Variants in MBD5 observed in about 807,000 individuals in gnomAD.
MBD5 encodes methyl-CpG binding domain protein 5.
MBD5 carries 13 observed loss-of-function variants against 117.3 expected under a neutral mutation model. That is an observed-to-expected ratio of 0.11 (90% CI 0.07 to 0.18). The LOEUF (loss-of-function observed/expected upper bound fraction) is 0.18, where lower values mean the gene tolerates loss of function less well. Ranked by LOEUF, MBD5 falls within the 10% of genes least tolerant of loss-of-function variation. The pLI is 1.00. For missense variants in MBD5, 1,879 were observed against 2,093.8 expected, an observed-to-expected ratio of 0.90 and a Z score of 2.00; for synonymous variants, 727 against 766.4, an observed-to-expected ratio of 0.95 and a Z score of 0.85.
chr2:148,291,723 A>G lies in MBD5; in HGVS notation c.-679-50491A>G, dbSNP rs140179064. Among the ~76,000 whole-genome samples the G allele has an allele frequency of 6.5e-4, 99 of 152,338 alleles. No homozygotes were observed. The East Asian group carries it at 0.018, about 28-fold the overall frequency. ...ACAGAAATAGAAAAAACAATCCTAA[A>G]ATGTATATGGAATCACAAAAAATCC... On this transcript the variant is annotated intron_variant, in intron 3 of 13. Coordinates refer to ENST00000642680, the MANE Select transcript of MBD5 (RefSeq NM_001378120.1).
At chr2:148,235,792 AG>A in intron 3 of MBD5, among the ~76,000 whole-genome samples, 1 of 146,404 alleles carries the variant, frequency 6.8e-6, no homozygotes, top group South Asian at 2.3e-4. Context: ...TTTCTAAAAA[AG>A]GGGGAGTGTT....
chr2:148,149,506 A>G (rs1367381200), intron 1 of MBD5, among the ~76,000 whole-genome samples: 1 of 149,838 alleles, frequency 6.7e-6, no homozygotes, highest in Non-Finnish European at 1.5e-5. Flanking sequence ...ATCCCTGAGG[A>G]ATCGCCACAC....
At chr2:148,394,484 C>T (rs1040707462) in intron 4 of MBD5, among the ~76,000 whole-genome samples, 13 of 142,074 alleles carry the variant, frequency 9.2e-5, no homozygotes, top group Non-Finnish European at 1.7e-4. Context: ...AATAACCATT[C>T]TTATGTTTCT....
At chr2:148,159,674 AGT>A (rs1346307309) in intron 1 of MBD5, among the ~76,000 whole-genome samples, 2 of 152,116 alleles carry the variant, frequency 1.3e-5, no homozygotes, top group Non-Finnish European at 2.9e-5. Flanking sequence ...AACCCCCAAG[AGT>A]GTTTCTCAGG....
chr2:148,378,063 G>A (rs972371808), intron 4 of MBD5, among the ~76,000 whole-genome samples: 18 of 152,098 alleles, frequency 1.2e-4, no homozygotes, highest in Non-Finnish European at 2.1e-4. Flanking sequence ...TAACCTTCCT[G>A]TATTTCCTTT....
chr2:148,117,162 T>A (rs1178627987), intron 1 of MBD5, among the ~76,000 whole-genome samples: 4 of 152,198 alleles, frequency 2.6e-5, no homozygotes, highest in Non-Finnish European at 5.9e-5. Context: ...AGTGTTTTTT[T>A]AAAAGCAATT....
chr2:148,447,158 AGAAAGGAAGAAAGGAAGAAG>A (rs1706565463), intron 4 of MBD5, among the ~76,000 whole-genome samples: 2 of 139,336 alleles, frequency 1.4e-5, no homozygotes, highest in Admixed American at 7.6e-5. Context: ...AAAGAAGGAA[AGAAAGGAAGAAAGGAAGAAG>A]GAAAGAAAGA....
At chr2:148,354,554 C>T (rs972124574) in intron 4 of MBD5, among the ~76,000 whole-genome samples, 78 of 152,006 alleles carry the variant, frequency 5.1e-4, no homozygotes, top group South Asian at 2.1e-4. Context: ...TTTGCTATTG[C>T]GAATAGTGCT....
Position 148,468,722 on chromosome 2 carries a change from C to G in MBD5, c.779C>G (p.Ala260Gly), listed in dbSNP as rs746178722. ...FTRSNPGFHG[A>G]PNSSPIHLNR... The stretch of plus-strand genomic sequence containing the variant: ...AGAAGTAATCCTGGTTTTCATGGAG[C>G]TCCCAATTCTAGTCCTATTCACCTG... Residue 260 changes from alanine to glycine, a missense_variant, in exon 8 of 14, where the codon GCT (alanine) becomes GGT (glycine). By Grantham distance (60) the Ala-to-Gly change is moderately conservative. Coordinates refer to ENST00000642680, the MANE Select transcript of MBD5 (RefSeq NM_001378120.1). 1 of 1,613,914 alleles carries G rather than the reference C, an allele frequency of 6.2e-7. No individual in the cohort carries two copies. Among genetic ancestry groups the G allele is most frequent in the Non-Finnish European group, 8.5e-7 (1 of 1,179,904 alleles).
intron 4 of MBD5, among the ~76,000 whole-genome samples, chr2:148,396,276 G>C (rs1317627670): frequency 2.0e-5 from 3 of 152,164 alleles, no homozygotes; most frequent in African/African-American, 4.8e-5. Context: ...CCTTCAGCTA[G>C]AGCTTAGTGA....
intron 3 of MBD5, among the ~76,000 whole-genome samples, chr2:148,269,465 T>TAGAA (rs1700933040): frequency 6.6e-6 from 1 of 151,774 alleles, no homozygotes; most frequent in Non-Finnish European, 1.5e-5. Context: ...ATTTTTATTT[T>TAGAA]ACTTTTATAT....
In MBD5 at chr2:148,470,333, G is replaced by C; in HGVS notation, c.2390G>C (p.Ser797Thr). 1 of 1,613,922 alleles carries C rather than the reference G, an allele frequency of 6.2e-7. No homozygotes were observed. Among genetic ancestry groups the C allele is most frequent in the Non-Finnish European group, 8.5e-7 (1 of 1,179,894 alleles). The change falls in exon 8 of 14, where the codon AGT becomes ACT. Residue 797 changes from serine (S) to threonine (T), a missense_variant. This residue lies in a region of MBD5 where 1,666 missense variants were observed against 1,792.2 expected (regional missense o/e 0.93). Transcript: ENST00000642680. ...IQASGNCGML[S>T]QSGMALGNSL... ...GCTAGCGGGAACTGTGGGATGCTCA[G>C]TCAGTCGGGCATGGCTTTAGGAAAT...
chr2:148,362,776 A>C (rs1009829911), intron 4 of MBD5, among the ~76,000 whole-genome samples: 1 of 152,174 alleles, frequency 6.6e-6, no homozygotes, highest in Admixed American at 6.5e-5. Context: ...TGGGACAAAG[A>C]TTCCAGAGGA....
intron 4 of MBD5, among the ~76,000 whole-genome samples, chr2:148,447,109 GAGAAAGAA>G (rs202133065): frequency 2.7e-5 from 4 of 146,536 alleles, no homozygotes; most frequent in Non-Finnish European, 4.5e-5. Flanking sequence ...GGATAGGAAG[GAGAAAGAA>G]AGAAAGAAAA....
chr2:148,201,707 C>T (rs765875863), intron 2 of MBD5, among the ~76,000 whole-genome samples: 14 of 152,092 alleles, frequency 9.2e-5, no homozygotes, highest in African/African-American at 2.4e-4. Flanking sequence ...TATTAAGTGA[C>T]GAAACAGCTC....
rs558644698 is a variant in MBD5 at position 148,469,694 on chromosome 2, C to G, written c.1751C>G (p.Ala584Gly). The stretch of plus-strand genomic sequence containing the variant: ...GCAAGTAGTTTACTCTCAGCAGCAG[C>G]CAAAGCACAGCTAGCAAATCAAAAC... ...FPASSLLSAAAKAQLANQNKL... is the reference protein window; with the variant it reads ...FPASSLLSAAGKAQLANQNKL... Residue 584 changes from alanine to glycine, a missense_variant, in exon 8 of 14, where the codon GCC becomes GGC. Ala to Gly is a moderately conservative substitution (Grantham distance 60). Coordinates refer to ENST00000642680, the MANE Select transcript of MBD5 (RefSeq NM_001378120.1). 1.2e-6 allele frequency: 2 copies of G among 1,613,796 alleles called. No individual in the cohort carries two copies. The highest frequency in any genetic ancestry group is 1.7e-6 in the Non-Finnish European group (2 of 1,179,890).
At chr2:148,402,436 T>C (rs1704951199) in intron 4 of MBD5, among the ~76,000 whole-genome samples, 1 of 152,170 alleles carries the variant, frequency 6.6e-6, no homozygotes, top group African/African-American at 2.4e-5. Flanking sequence ...TTTTATGTTT[T>C]CACACACGTA....
chr2:148,346,980 A>G (rs1703139218), intron 4 of MBD5: 1 of 151,984 alleles, frequency 6.6e-6, no homozygotes, highest in African/African-American at 2.4e-5. Context: ...TTAATTGAGA[A>G]TTCATGGCCA....
chr2:148,262,612 G>A (rs1177230677), intron 3 of MBD5, among the ~76,000 whole-genome samples: 1 of 152,162 alleles, frequency 6.6e-6, no homozygotes, highest in Non-Finnish European at 1.5e-5. Context: ...ATTGAGCCCT[G>A]TGGGGTTAAG....
Sources: allele counts gnomAD v4.1 joint callset (sites outside exome capture counted in the v4.1 genomes callset), GRCh38; gene constraint gnomAD v4.1.1; regional missense constraint gnomAD v4.1.1; transcripts MANE v1.5; gene names NCBI Gene and HGNC (gene_info 2026-07-23, HGNC 2026-07-21).